The following ARHGAP32 variants were observed in gnomAD, a reference collection of about 807,000 sequenced individuals.
The protein encoded by ARHGAP32 is rho GTPase-activating protein 32.
ARHGAP32 carries 51 observed loss-of-function variants against 186.5 expected under a neutral mutation model. The observed-to-expected ratio is 0.27, with a 90% CI of 0.22 to 0.35. The LOEUF (loss-of-function observed/expected upper bound fraction) is 0.35. ARHGAP32 is among the 10% of genes least tolerant of loss of function. The pLI is 1.00. For synonymous variants in ARHGAP32, 950 were observed against 964.3 expected, an observed-to-expected ratio of 0.99 and a Z score of 0.27; for missense variants, 2,186 against 2,623.5, an observed-to-expected ratio of 0.83 and a Z score of 3.64.
intron 1 of ARHGAP32, among the ~76,000 whole-genome samples, chr11:129,200,975 C>T (rs191825555): frequency 1.3e-5 from 2 of 152,052 alleles, no homozygotes; most frequent in East Asian, 3.9e-4. Context: ...AGAAAAAAGT[C>T]CCTATTAAGC....
intron 5 of ARHGAP32, among the ~76,000 whole-genome samples, chr11:129,110,354 A>G (rs1817641278): frequency 6.6e-6 from 1 of 152,060 alleles, no homozygotes; most frequent in African/African-American, 2.4e-5. Context: ...CCCTTGTCAT[A>G]TTTTGAAGAC....
intron 1 of ARHGAP32, among the ~76,000 whole-genome samples, chr11:129,208,038 T>C (rs950368910): frequency 6.6e-6 from 1 of 152,162 alleles, no homozygotes; most frequent in Non-Finnish European, 1.5e-5. Context: ...TCTATGACTA[T>C]TACTAAGATT....
intron 2 of ARHGAP32, among the ~76,000 whole-genome samples, chr11:129,130,169 C>T (rs1942777142): frequency 6.6e-6 from 1 of 151,992 alleles, no homozygotes; most frequent in Admixed American, 6.6e-5. Flanking sequence ...ATAATGCAAT[C>T]CAAAAAAGGC....
intron 18 of ARHGAP32, among the ~76,000 whole-genome samples, chr11:128,979,849 C>T (rs1479662363): frequency 1.3e-5 from 2 of 152,196 alleles, no homozygotes; most frequent in Non-Finnish European, 2.9e-5. Flanking sequence ...AGTCTTCCTA[C>T]TATAACCTAG....
chr11:129,192,047 T>C (rs1403460099), intron 1 of ARHGAP32, 36 bp downstream of exon 1: 1 of 1,482,122 alleles, frequency 6.7e-7, no homozygotes, highest in Non-Finnish European at 9.4e-7. Flanking sequence ...GGGTAGGGAG[T>C]GGACAGGACA....
At chr11:129,051,218 A>G (rs1940027920) in intron 10 of ARHGAP32, among the ~76,000 whole-genome samples, 1 of 152,204 alleles carries the variant, frequency 6.6e-6, no homozygotes, top group Non-Finnish European at 1.5e-5. Context: ...GAACTGCCAC[A>G]CTGTCTTCCA....
At chr11:129,011,006 G>A (rs1353214870) in intron 11 of ARHGAP32, among the ~76,000 whole-genome samples, 1 of 152,186 alleles carries the variant, frequency 6.6e-6, no homozygotes, top group Non-Finnish European at 1.5e-5. Flanking sequence ...CAACAAATGA[G>A]TAAGTGTCTG....
At position 129,060,715 on chromosome 11, in the gene ARHGAP32, T is replaced by C. The variant is rs1367568913; in HGVS notation, c.963+1565A>G. Among the ~76,000 whole-genome samples the C allele has an allele frequency of 3.9e-5, 6 of 152,264 alleles. No individual in the cohort carries two copies. The East Asian group carries it at 9.6e-4, about 24-fold the overall frequency. ...TCTTAACAACCAAATTAAATTACTA[T>C]AGATGCTTTCATAATAGGGAAAGGG... is the stretch of plus-strand genomic sequence containing the variant. On this transcript the variant is annotated intron_variant, in intron 10 of 22. Coordinates refer to ENST00000682385, the MANE Select transcript of ARHGAP32 (RefSeq NM_001378024.1).
chr11:129,043,891 T>C (rs980726834), intron 10 of ARHGAP32, among the ~76,000 whole-genome samples: 24 of 152,160 alleles, frequency 1.6e-4, no homozygotes, highest in African/African-American at 5.6e-4. Flanking sequence ...TTTTAGTTGG[T>C]GAAAAAAATT....
Position 129,036,380 on chromosome 11 carries a change from CA to C in ARHGAP32, c.1045+4547del, listed in dbSNP as rs58678377. 6.9e-3 allele frequency among the ~76,000 whole-genome samples: 677 copies of C among 98,504 alleles called. 1 individual carries two copies. The highest frequency in any genetic ancestry group is 0.029 in the African/African-American group (645 of 22,170). 64.6% of individuals were successfully genotyped at this position (98,504 alleles called of 152,430 possible). A position where few individuals can be genotyped will look rare whatever the true frequency, so the allele number is the denominator to read the frequency against. On this transcript the variant is annotated intron_variant, in intron 11 of 22. Transcript: ENST00000682385. Reference sequence around the variant, plus strand: ...GGGCAACAAGAGCGAAACTCCGTCTCAAAAAAAAAAAAAAAAAAAAAAAAAA... The same window carrying C: ...GGGCAACAAGAGCGAAACTCCGTCTCAAAAAAAAAAAAAAAAAAAAAAAAA...
intron 17 of ARHGAP32, 89 bp from the exon 18 acceptor site, chr11:128,980,837 T>C: frequency 9.8e-7 from 1 of 1,017,286 alleles, no homozygotes; most frequent in South Asian, 1.9e-5. Flanking sequence ...TATCTACCTA[T>C]CTGTTGTTTC....
intron 6 of ARHGAP32, among the ~76,000 whole-genome samples, chr11:129,090,782 C>T (rs182180081): frequency 2.0e-5 from 3 of 152,220 alleles, no homozygotes; most frequent in African/African-American, 4.8e-5. Flanking sequence ...ACTCACAAAA[C>T]GTTTTATTCT....
At chr11:129,134,761 T>TGC (rs757475431) in intron 2 of ARHGAP32, among the ~76,000 whole-genome samples, 3 of 152,144 alleles carry the variant, frequency 2.0e-5, no homozygotes, top group Non-Finnish European at 2.9e-5. Flanking sequence ...ATGATGGCTC[T>TGC]GCCCTCATGA....
chr11:129,209,252 T>C (rs149001327), intron 1 of ARHGAP32, among the ~76,000 whole-genome samples: 27 of 152,218 alleles, frequency 1.8e-4, no homozygotes, highest in Admixed American at 4.6e-4. Context: ...ATTCAAACCT[T>C]AAGGTGAAAA....
intron 11 of ARHGAP32, among the ~76,000 whole-genome samples, chr11:129,003,510 C>A (rs1296221282): frequency 1.3e-5 from 2 of 152,072 alleles, no homozygotes; most frequent in Non-Finnish European, 2.9e-5. Context: ...GCCATTGAGT[C>A]CTGGGCTTTT....
At chr11:129,226,661 A>T (rs1191962751) in intron 1 of ARHGAP32, among the ~76,000 whole-genome samples, 1 of 152,212 alleles carries the variant, frequency 6.6e-6, no homozygotes, top group Non-Finnish European at 1.5e-5. Flanking sequence ...ATCAGTCATT[A>T]CGTTAAATGT....
At chr11:129,139,028 G>C (rs975688096) in intron 2 of ARHGAP32, among the ~76,000 whole-genome samples, 6 of 152,108 alleles carry the variant, frequency 3.9e-5, no homozygotes, top group African/African-American at 1.4e-4. Flanking sequence ...TAAAAAATTA[G>C]AACAATGAGA....
intron 7 of ARHGAP32, among the ~76,000 whole-genome samples, chr11:129,065,587 T>C (rs1254050185): frequency 6.6e-6 from 1 of 152,144 alleles, no homozygotes. Flanking sequence ...GAAATGCAGA[T>C]AAAGGGACTT....
chr11:129,027,516 G>T (rs1400935691), intron 11 of ARHGAP32, among the ~76,000 whole-genome samples: 1 of 152,010 alleles, frequency 6.6e-6, no homozygotes, highest in Non-Finnish European at 1.5e-5. Flanking sequence ...CCTTCCTCCT[G>T]ACCCTTTACC....
Sources: gnomAD v4.1 joint callset for allele counts (sites outside exome capture counted in the v4.1 genomes callset) on GRCh38, gnomAD v4.1.1 for gene constraint, MANE v1.5 for transcripts, NCBI Gene and HGNC (gene_info 2026-07-23, HGNC 2026-07-21) for gene names.